Variants in PRKG1 observed in about 807,000 individuals in gnomAD.
PRKG1 encodes protein kinase cGMP-dependent 1.
Under a neutral mutation model 88.1 loss-of-function variants are expected in PRKG1, and 35 were observed. That is an observed-to-expected ratio of 0.40 (90% CI 0.30 to 0.53). PRKG1 has a LOEUF of 0.53. PRKG1 is among the 20% of genes least tolerant of loss of function. The probability of loss-of-function intolerance (pLI) is 0.59; values close to 1 mark genes in which losing one functional copy is unlikely to be tolerated. For synonymous variants in PRKG1, 303 were observed against 292.5 expected, an observed-to-expected ratio of 1.04 and a Z score of -0.37; for missense variants, 540 against 839.8, an observed-to-expected ratio of 0.64 and a Z score of 4.41.
At position 51,500,443 on chromosome 10, in the gene PRKG1, G is replaced by A. The variant is rs527764592; in HGVS notation, c.592+32607G>A. Among the ~76,000 whole-genome samples, 740 of 152,224 alleles carry A rather than the reference G, an allele frequency of 4.9e-3. 4 individuals carry two copies. The highest frequency in any genetic ancestry group is 0.017 in the African/African-American group (710 of 41,530). ...GCACTCTGATTGAAAGTTAGTGTGC[G>A]GAAAATCTTGAGCTATTCAATAAAT... is the stretch of plus-strand genomic sequence containing the variant. On this transcript the variant is annotated intron_variant, in intron 3 of 17. Coordinates refer to ENST00000373980, the MANE Select transcript of PRKG1 (RefSeq NM_006258.4).
chr10:51,817,508 T>G (rs1445941902), intron 4 of PRKG1, among the ~76,000 whole-genome samples: 1 of 152,160 alleles, frequency 6.6e-6, no homozygotes, highest in East Asian at 1.9e-4. Flanking sequence ...TTCATCCATG[T>G]CCCTGCATAG....
chr10:52,108,034 T>C (rs1205999123), intron 7 of PRKG1, among the ~76,000 whole-genome samples: 1 of 152,220 alleles, frequency 6.6e-6, no homozygotes, highest in East Asian at 1.9e-4. Flanking sequence ...TACACACGCA[T>C]GCACATATAT....
At chr10:51,107,585 C>T (rs544117284) in intron 1 of PRKG1, among the ~76,000 whole-genome samples, 2 of 151,614 alleles carry the variant, frequency 1.3e-5, no homozygotes, top group South Asian at 4.2e-4. Flanking sequence ...GCCTATAATC[C>T]CAGCACTTTG....
chr10:51,081,551 C>G (rs771936163), intron 1 of PRKG1, among the ~76,000 whole-genome samples: 25 of 152,176 alleles, frequency 1.6e-4, no homozygotes, highest in Non-Finnish European at 3.5e-4. Context: ...AATTTGACAT[C>G]ATTGAGGACT....
chr10:51,800,120 A>G (rs928874221), intron 3 of PRKG1, among the ~76,000 whole-genome samples: 2 of 152,066 alleles, frequency 1.3e-5, no homozygotes, highest in African/African-American at 4.8e-5. Flanking sequence ...GTAACAAATC[A>G]TACTGTGGTT....
At chr10:51,526,097 G>C (rs923998046) in intron 3 of PRKG1, among the ~76,000 whole-genome samples, 1 of 152,112 alleles carries the variant, frequency 6.6e-6, no homozygotes, top group Admixed American at 6.5e-5. Context: ...TAGGATTACA[G>C]GTGTGAGCCA....
intron 2 of PRKG1, among the ~76,000 whole-genome samples, chr10:51,262,159 T>C (rs1054169452): frequency 3.9e-5 from 6 of 152,284 alleles, no homozygotes; most frequent in Admixed American, 3.9e-4. Flanking sequence ...GTGCTGGGAT[T>C]ACAGGCTTGA....
chr10:51,195,149 T>C (rs1012265388), intron 2 of PRKG1, among the ~76,000 whole-genome samples: 18 of 152,218 alleles, frequency 1.2e-4, no homozygotes, highest in African/African-American at 4.3e-4. Context: ...GAAAAGGGTG[T>C]TGTATTTAAA....
At chr10:51,063,622 CTG>C (rs1310556619) in intron 1 of PRKG1, among the ~76,000 whole-genome samples, 3 of 152,160 alleles carry the variant, frequency 2.0e-5, no homozygotes, top group African/African-American at 7.2e-5. Flanking sequence ...TGATGCATGA[CTG>C]TACGTTAATA....
chr10:51,267,599 G>A (rs1001815295), intron 2 of PRKG1, among the ~76,000 whole-genome samples: 34 of 152,162 alleles, frequency 2.2e-4, no homozygotes, highest in South Asian at 4.1e-4. Context: ...TGGGATAACA[G>A]CAAGCCACAT....
intron 3 of PRKG1, among the ~76,000 whole-genome samples, chr10:51,713,682 G>C (rs1564618036): frequency 6.6e-6 from 1 of 152,206 alleles, no homozygotes; most frequent in South Asian, 2.1e-4. Flanking sequence ...TTTTTAAATA[G>C]AGTATTAAGA....
Position 51,385,044 on chromosome 10 carries a change from T to G in PRKG1, c.479-82679T>G, listed in dbSNP as rs564342093. ...GAACCTTGTTGTTGATGTAGGAAAA[T>G]ATCTTTTATGAAGTTGTCCTAATGG... On this transcript the variant is annotated intron_variant, in intron 2 of 17. Transcript: ENST00000373980. Among the ~76,000 whole-genome samples the G allele has an allele frequency of 2.0e-5, 3 of 152,334 alleles. No homozygotes were observed. The South Asian group carries it at 6.2e-4, about 32-fold the overall frequency.
At chr10:51,716,023 A>T (rs962625272) in intron 3 of PRKG1, among the ~76,000 whole-genome samples, 10 of 152,162 alleles carry the variant, frequency 6.6e-5, no homozygotes, top group African/African-American at 2.4e-4. Context: ...GCTTCTTGCT[A>T]TGTGGATGTC....
intron 1 of PRKG1, among the ~76,000 whole-genome samples, chr10:51,017,479 T>C (rs889732160): frequency 5.9e-5 from 9 of 152,218 alleles, no homozygotes; most frequent in Non-Finnish European, 1.3e-4. Context: ...TAAGATAATG[T>C]ATGTGAAAGT....
intron 7 of PRKG1, chr10:52,128,418 T>C: frequency 1.0e-6 from 1 of 985,378 alleles, no homozygotes; most frequent in Non-Finnish European, 1.2e-6. Flanking sequence ...CACAAGAGAA[T>C]TGGTTTAGAA....
At chr10:52,128,390 T>G (rs929051081) in intron 7 of PRKG1, 8 of 985,220 alleles carry the variant, frequency 8.1e-6, no homozygotes, top group Admixed American at 6.2e-5. Context: ...ACGCTAGAGT[T>G]CTCTCATAGC....
chr10:51,046,052 G>A (rs1448953686), intron 1 of PRKG1, among the ~76,000 whole-genome samples: 2 of 152,164 alleles, frequency 1.3e-5, no homozygotes, highest in African/African-American at 2.4e-5. Flanking sequence ...TTAGTAGATA[G>A]CGCCAGGGTC....
intron 2 of PRKG1, among the ~76,000 whole-genome samples, chr10:51,190,411 C>T (rs1467473879): frequency 6.6e-6 from 1 of 151,604 alleles, no homozygotes; most frequent in African/African-American, 2.4e-5. Context: ...GAAACTGATG[C>T]AAGAAAGAGA....
At chr10:51,681,160 C>T (rs1245516121) in intron 3 of PRKG1, among the ~76,000 whole-genome samples, 9 of 152,226 alleles carry the variant, frequency 5.9e-5, no homozygotes, top group Middle Eastern at 6.8e-3. Flanking sequence ...AATCTGGGAG[C>T]TGTTGCAATG....
Sources: allele counts gnomAD v4.1 joint callset (sites outside exome capture counted in the v4.1 genomes callset), GRCh38; gene constraint gnomAD v4.1.1; transcripts MANE v1.5; gene names NCBI Gene and HGNC (gene_info 2026-07-23, HGNC 2026-07-21).